The following EML2 variants were observed in gnomAD, a reference collection of about 807,000 sequenced individuals.
The protein encoded by EML2 is echinoderm microtubule-associated protein-like 2.
A neutral mutation model predicts 84.7 loss-of-function variants in EML2; 59 were observed. That is an observed-to-expected ratio of 0.70 (90% confidence interval 0.56 to 0.86). The LOEUF is 0.86. Ranked by LOEUF, EML2 falls within the 40% of genes least tolerant of loss-of-function variation. The pLI, the probability that EML2 is intolerant of heterozygous loss-of-function variation, is 0.00. For synonymous variants in EML2, 352 were observed against 348.9 expected (o/e 1.01, Z -0.10); for missense variants, 818 against 855.6 (o/e 0.96, Z 0.55).
intron 3 of EML2, among the ~76,000 whole-genome samples, chr19:45,637,667 C>CTTTTTTTTTTTTTTTTTTTTTTT (rs58180181): frequency 2.0e-5 from 1 of 48,892 alleles, no homozygotes; most frequent in Non-Finnish European, 4.0e-5. Context: ...TTTTTCTTTT[C>CTTTTTTTTTTTTTTTTTTTTTTT]TTTTTTTTTT....
rs529627294 is a variant in EML2 at position 45,616,324 on chromosome 19, G to T, written c.1509+137C>A. On this transcript the variant is annotated intron_variant, in intron 15 of 18. Transcript: ENST00000245925. The stretch of plus-strand genomic sequence containing the variant: ...CACACGAGGTGGTGAATGTGTGGAC[G>T]TGGCCAAGACTCCTTGCTCTGATCA... 9.5e-5 allele frequency: 61 copies of T among 640,592 alleles called. 4 individuals are homozygous for T. In the South Asian group the frequency reaches 1.2e-3, roughly 12 times the overall value. The allele number at this position is 640,592 out of a possible 1,614,324, so 39.7% of individuals were successfully genotyped here.
upstream of EML2, chr19:45,641,320 G>T: frequency 3.6e-6 from 1 of 280,096 alleles, no homozygotes; most frequent in Non-Finnish European, 7.0e-6. Flanking sequence ...CTTCATCCCT[G>T]AAACTCAACG....
upstream of EML2, chr19:45,642,108 C>A (rs1390380046): frequency 6.8e-7 from 1 of 1,468,110 alleles, no homozygotes; most frequent in South Asian, 1.4e-5. Context: ...CCTCCCCATC[C>A]CACCCCTCCA....
chr19:45,620,032 T>C (rs565965283), intron 11 of EML2, among the ~76,000 whole-genome samples: 1 of 152,144 alleles, frequency 6.6e-6, no homozygotes, highest in Non-Finnish European at 1.5e-5. Context: ...GGCTGGGTGA[T>C]ATAATAAATA....
intron 8 of EML2, among the ~76,000 whole-genome samples, chr19:45,626,259 C>G (rs1476329680): frequency 1.3e-5 from 2 of 151,560 alleles, no homozygotes; most frequent in South Asian, 2.1e-4. Flanking sequence ...GGATCCTCCC[C>G]CCTCAGCCTC....
chr19:45,635,583 C>CTT lies in EML2; in HGVS notation c.180-1114_180-1113dup, dbSNP rs1172930803. On this transcript the variant is annotated intron_variant, in intron 3 of 18. Transcript: ENST00000245925. ...CCAAAAAAAAATGAATGTCTGTTTC[C>CTT]TTTTTTTTTTTTTTTTTTTTTTTTT... 6.6e-4 allele frequency among the ~76,000 whole-genome samples: 72 copies of CTT among 108,474 alleles called. 2 individuals are homozygous for CTT. The highest frequency in any genetic ancestry group is 8.0e-4 in the Non-Finnish European group (43 of 53,584). 71.2% of individuals were successfully genotyped at this position (108,474 alleles called of 152,430 possible).
intron 18 of EML2, among the ~76,000 whole-genome samples, chr19:45,610,210 A>G (rs1162676269): frequency 2.0e-5 from 3 of 149,584 alleles, no homozygotes; most frequent in Admixed American, 1.3e-4. Context: ...ATCCTGGCCA[A>G]TATGGTGAAA....
intron 9 of EML2, chr19:45,623,339 G>A (rs1401552127): frequency 1.3e-5 from 2 of 151,906 alleles, no homozygotes; most frequent in Non-Finnish European, 2.9e-5. Context: ...TTCGAGGGCA[G>A]CCTGGGCAAC....
At chr19:45,635,742 G>A (rs10775545) in intron 3 of EML2, among the ~76,000 whole-genome samples, 71,832 of 151,158 alleles carry the variant, frequency 0.48, 17,364 homozygotes, top group East Asian at 0.63. Context: ...ATAGGCATGC[G>A]CCACCATGCC....
At chr19:45,624,275 C>T (rs1316816591) in intron 9 of EML2, among the ~76,000 whole-genome samples, 1 of 152,218 alleles carries the variant, frequency 6.6e-6, no homozygotes, top group African/African-American at 2.4e-5. Flanking sequence ...TACCCAGTCA[C>T]TCTCCCTTTA....
At chr19:45,616,019 GATAC>G (rs529741733) in intron 15 of EML2, 130 bp from the exon 16 acceptor site, 756 of 710,430 alleles carry the variant, frequency 1.1e-3, no homozygotes, top group Non-Finnish European at 1.7e-3. Flanking sequence ...CTAAAGGAAG[GATAC>G]ACAGGCCTTT....
At chr19:45,630,777 A>G (rs2122738757) in intron 6 of EML2, among the ~76,000 whole-genome samples, 1 of 152,274 alleles carries the variant, frequency 6.6e-6, no homozygotes, top group South Asian at 2.1e-4. Flanking sequence ...TTGCATTTAC[A>G]TATATAGAGA....
intron 18 of EML2, among the ~76,000 whole-genome samples, chr19:45,612,461 C>T (rs1029660975): frequency 6.6e-6 from 1 of 152,138 alleles, no homozygotes; most frequent in Non-Finnish European, 1.5e-5. Context: ...GAGGATTGCT[C>T]AAGCCCAGGA....
At position 45,616,790 on chromosome 19, in the gene EML2, C is replaced by T. The variant is rs554428207; in HGVS notation, c.1386G>A (p.Gln462=). The change falls in exon 14 of 19, where the codon CAG becomes CAA. Residue 462 remains glutamine, a synonymous_variant. Transcript: ENST00000245925. The stretch of plus-strand genomic sequence containing the variant: ...CTGGGGAGAAGCTGACCACTGAGAT[C>T]TGTTCATTGCCGTCTGTGTGGATAG... ...LVAIHTDGNE[Q]ISVVSFSPDG... 1.9e-6 allele frequency: 3 copies of T among 1,613,362 alleles called. No homozygotes were observed. Among genetic ancestry groups the T allele is most frequent in the South Asian group, 2.2e-5 (2 of 91,046 alleles).
Position 45,638,514 on chromosome 19 carries a change from A to C in EML2, c.170T>G (p.Leu57Arg). 7 of 1,614,054 alleles carry C rather than the reference A, an allele frequency of 4.3e-6. No homozygotes were observed. The highest frequency in any genetic ancestry group is 5.9e-6 in the Non-Finnish European group (7 of 1,180,014). ...TCCAGCAAAAGGATACACCCACTCC[A>C]GCTTGAGCCGGCAAGAAGGCAGCTC... The part of the protein sequence containing the change: ...RSELPSCRLK[L>R]EWVYGYRGRD... The change falls in exon 3 of 19, where the codon CTG (leucine) becomes CGG (arginine). Residue 57 changes from leucine to arginine, a missense_variant. Leu to Arg is a moderately radical substitution (Grantham distance 102). Coordinates refer to ENST00000245925, the MANE Select transcript of EML2 (RefSeq NM_012155.4).
chr19:45,635,475 G>A (rs1973612791), intron 3 of EML2, among the ~76,000 whole-genome samples: 1 of 151,382 alleles, frequency 6.6e-6, no homozygotes, highest in Non-Finnish European at 1.5e-5. Flanking sequence ...ACTGGCTGAG[G>A]ACCAGACTCA....
upstream of EML2, chr19:45,640,085 CA>C (rs1389782824): frequency 6.6e-6 from 1 of 152,286 alleles, no homozygotes; most frequent in Non-Finnish European, 1.5e-5. Flanking sequence ...CTGGAGTATA[CA>C]CAACGCTGTA....
intron 16 of EML2, chr19:45,615,012 C>T: frequency 3.6e-6 from 1 of 274,506 alleles, no homozygotes; most frequent in Non-Finnish European, 7.2e-6. Flanking sequence ...ACCAGCCTGG[C>T]CAAGATGGTG....
At chr19:45,621,146 T>C in intron 11 of EML2, 61 bp downstream of exon 11, 1 of 1,584,470 alleles carries the variant, frequency 6.3e-7, no homozygotes, top group Non-Finnish European at 8.6e-7. Context: ...GAGTGGATGA[T>C]GCAGGGAAGG....
Sources: gnomAD v4.1 joint callset for allele counts (sites outside exome capture counted in the v4.1 genomes callset) on GRCh38, gnomAD v4.1.1 for gene constraint, MANE v1.5 for transcripts, NCBI Gene and HGNC (gene_info 2026-07-23, HGNC 2026-07-21) for gene names.